HTR3A: variants seen among roughly 807,000 people sequenced by gnomAD.
HTR3A encodes 5-hydroxytryptamine (serotonin) receptor 3A, ionotropic.
In HTR3A, 45 loss-of-function variants were observed where a neutral mutation model predicts 54.8. The observed-to-expected ratio is 0.82, with a 90% CI of 0.65 to 1.05. The LOEUF (loss-of-function observed/expected upper bound fraction) is 1.05. Ranked by LOEUF, HTR3A falls within the 50% of genes least tolerant of loss-of-function variation. The probability of loss-of-function intolerance (pLI) is 0.00; values close to 1 mark genes in which losing one functional copy is unlikely to be tolerated. For missense variants in HTR3A, 657 were observed against 614.0 expected (o/e 1.07, Z -0.74); for synonymous variants, 297 against 256.0 (o/e 1.16, Z -1.53).
At chr11:113,976,582 TG>T in intron 1 of HTR3A, among the ~76,000 whole-genome samples, 1 of 84,072 alleles carries the variant, frequency 1.2e-5, no homozygotes, top group South Asian at 4.5e-4. Flanking sequence ...TGTGTGTGTG[TG>T]TGTGTGTGTG....
At chr11:113,984,594 CT>C (rs1219511350) in intron 5 of HTR3A, among the ~76,000 whole-genome samples, 1 of 152,176 alleles carries the variant, frequency 6.6e-6, no homozygotes, top group Non-Finnish European at 1.5e-5. Flanking sequence ...TGCCAGAGGG[CT>C]GGTGAAATGC....
chr11:113,987,339 G>A (rs139998963), intron 8 of HTR3A, among the ~76,000 whole-genome samples: 30 of 152,322 alleles, frequency 2.0e-4, no homozygotes, highest in African/African-American at 7.0e-4. Context: ...CTCTAGGATG[G>A]ACCCATGGGT....
At chr11:113,983,326 T>C (rs1950447011) in intron 5 of HTR3A, 37 bp downstream of exon 5, 1 of 1,611,438 alleles carries the variant, frequency 6.2e-7, no homozygotes, top group Non-Finnish European at 8.5e-7. Flanking sequence ...GGGGTGGAGG[T>C]TGGGGGACCC....
chr11:113,977,963 G>T, intron 2 of HTR3A, 41 bp downstream of exon 2: 2 of 1,613,538 alleles, frequency 1.2e-6, no homozygotes, highest in African/African-American at 1.3e-5. Flanking sequence ...AGACCTTTTG[G>T]GGGTGGGAGA....
At chr11:113,982,996 A>T in intron 4 of HTR3A, 124 bp from the exon 5 acceptor site, 1 of 1,096,714 alleles carries the variant, frequency 9.1e-7, no homozygotes. Flanking sequence ...CAAAACATCC[A>T]GGTTATCCGG....
At chr11:113,987,118 G>T in intron 8 of HTR3A, 72 bp downstream of exon 8, 1 of 1,519,950 alleles carries the variant, frequency 6.6e-7, no homozygotes, top group South Asian at 1.1e-5. Context: ...AGTCTCTGGA[G>T]GGCGTGGCCT....
intron 1 of HTR3A, chr11:113,977,430 A>T (rs943359404): frequency 1.6e-4 from 144 of 901,044 alleles, no homozygotes; most frequent in Non-Finnish European, 2.1e-4. Context: ...GTTGCTCCCC[A>T]GAGGCCCTCG....
Position 113,977,957 on chromosome 11 carries a change from C to A in HTR3A, c.219+35C>A, listed in dbSNP as rs745387270. On this transcript the variant is annotated intron_variant, in intron 2 of 8. Coordinates refer to ENST00000504030, the MANE Select transcript of HTR3A (RefSeq NM_000869.6). ...AGCCCCGAGCTGCACACAGGCAGAC[C>A]TTTTGGGGGTGGGAGAAGGCCATGT... The A allele has an allele frequency of 2.5e-6, 4 of 1,613,814 alleles. No homozygotes were observed. The Admixed American group carries it at 6.7e-5, about 27-fold the overall frequency.
rs187599970 is a variant in HTR3A at position 113,977,666 on chromosome 11, G to A, written c.68-105G>A. ...TCTGTGTTTAGAATTTTGTGAGGTGGGGATGGTGGGGATACGTCTCTTTTA... is the reference window on the plus strand; with the variant it reads ...TCTGTGTTTAGAATTTTGTGAGGTGAGGATGGTGGGGATACGTCTCTTTTA... On this transcript the variant is annotated intron_variant, in intron 1 of 8. Transcript: ENST00000504030. 5.5e-4 allele frequency: 830 copies of A among 1,512,988 alleles called. 2 individuals are homozygous for A. The African/African-American group carries it at 0.011, about 20-fold the overall frequency. The allele number at this position is 1,512,988 out of a possible 1,614,324, so 93.7% of individuals were successfully genotyped here. A position where few individuals can be genotyped will look rare whatever the true frequency, so the allele number is the denominator to read the frequency against.
rs375179419 is a variant in HTR3A at position 113,989,422 on chromosome 11, C to T, written c.1139-43C>T. 6.2e-7 allele frequency: 1 copy of T among 1,610,676 alleles called. No individual in the cohort carries two copies. Among genetic ancestry groups the T allele is most frequent in the Non-Finnish European group, 8.5e-7 (1 of 1,177,920 alleles). The stretch of plus-strand genomic sequence containing the variant: ...ATAAGGAACCATGTTCAGGTCACCA[C>T]CCGGGGTCTCCCTCTCTTGCCAATG... On this transcript the variant is annotated intron_variant, in intron 8 of 8. Coordinates refer to ENST00000504030, the MANE Select transcript of HTR3A (RefSeq NM_000869.6). The surrounding 1 kb of genome is among the most constrained non-coding windows in gnomAD (Gnocchi z 4.4).
In HTR3A at chr11:113,983,087, G is replaced by C. The variant is rs1950441015; in HGVS notation, c.375-33G>C. On this transcript the variant is annotated intron_variant, in intron 4 of 8. Transcript: ENST00000504030. ...GCACCCAGAGCTTGCCCTGTCTCTTGAGCTCCCAAACTAACCCCTTTTCCC... is the reference window on the plus strand; with the variant it reads ...GCACCCAGAGCTTGCCCTGTCTCTTCAGCTCCCAAACTAACCCCTTTTCCC... The C allele has an allele frequency of 2.5e-6, 4 of 1,613,972 alleles. No homozygotes were observed. In the East Asian group the frequency reaches 8.9e-5, roughly 36 times the overall value.
chr11:113,990,132 A>G lies in HTR3A; in HGVS notation c.*369A>G. On this transcript the variant is annotated 3_prime_UTR_variant, in exon 9 of 9. Transcript: ENST00000504030. Reference sequence around the variant, plus strand: ...TTTGGAATTCTGCTTCTCTTTCACAACTTTGCTTTTAGGTTGAAGGCAAAA... The same window carrying G: ...TTTGGAATTCTGCTTCTCTTTCACAGCTTTGCTTTTAGGTTGAAGGCAAAA... 1 of 471,638 alleles carries G rather than the reference A, an allele frequency of 2.1e-6. No homozygotes were observed. Among genetic ancestry groups the G allele is most frequent in the Non-Finnish European group, 4.2e-6 (1 of 239,152 alleles). 29.2% of individuals were successfully genotyped at this position (471,638 alleles called of 1,614,324 possible). A position where few individuals can be genotyped will look rare whatever the true frequency, so the allele number is the denominator to read the frequency against.
chr11:113,985,765 C>T (rs1036971002), intron 5 of HTR3A, among the ~76,000 whole-genome samples: 1 of 151,936 alleles, frequency 6.6e-6, no homozygotes, highest in African/African-American at 2.4e-5. Flanking sequence ...GAATGGTTTG[C>T]ATGGTTCTTT....
chr11:113,975,378 TG>T lies in HTR3A; in HGVS notation c.55del (p.Ala19HisfsTer17). 1 of 1,612,634 alleles carries T rather than the reference TG, an allele frequency of 6.2e-7. No homozygotes were observed. Among genetic ancestry groups the T allele is most frequent in the South Asian group, 1.1e-5 (1 of 91,068 alleles). ...CTCGCCTTGCTCCTCCCCACACTCCTGGCACAGGGAGAAGGTAAGCAGACTT... is the reference window on the plus strand; with the variant it reads ...CTCGCCTTGCTCCTCCCCACACTCCTGCACAGGGAGAAGGTAAGCAGACTT... ...ALLALLLPTLLAQGEARRSRN... is the reference protein window; with the variant it reads ...ALLALLLPTLXAQGEARRSRN... On this transcript the variant is annotated frameshift_variant, in exon 1 of 9. Coordinates refer to ENST00000504030, the MANE Select transcript of HTR3A (RefSeq NM_000869.6). LOFTEE classifies it high-confidence loss of function.
rs1591600207 is a variant in HTR3A at position 113,977,842 on chromosome 11, A to G, written c.139A>G (p.Lys47Glu). Residue 47 changes from lysine to glutamate, a missense_variant, in exon 2 of 9, where the codon AAG becomes GAG. Coordinates refer to ENST00000504030, the MANE Select transcript of HTR3A (RefSeq NM_000869.6). ...GGATTACCTTTTGACCAACTACAGGAAGGGTGTGCGCCCCGTGAGGGACTG... is the reference window on the plus strand; with the variant it reads ...GGATTACCTTTTGACCAACTACAGGGAGGGTGTGCGCCCCGTGAGGGACTG... Reference protein sequence around the residue: ...LSDYLLTNYRKGVRPVRDWRK... With the variant: ...LSDYLLTNYREGVRPVRDWRK... 7 of 1,614,022 alleles carry G rather than the reference A, an allele frequency of 4.3e-6. No homozygotes were observed. Among genetic ancestry groups the G allele is most frequent in the Non-Finnish European group, 5.9e-6 (7 of 1,180,024 alleles).
At chr11:113,986,266 T>C in intron 6 of HTR3A, 91 bp downstream of exon 6, 2 of 1,513,162 alleles carry the variant, frequency 1.3e-6, no homozygotes, top group Non-Finnish European at 1.8e-6. Context: ...TCTATAGCCT[T>C]TTTCCAACCC....
rs185008189 is a variant in HTR3A, at chr11:113,975,907, G to C, written c.67+515G>C. ...TTCACTGGTTTTGTTGCATGAGTTC[G>C]TTCTCTGGGCCTGCGGTTCCCCAAG... is the stretch of plus-strand genomic sequence containing the variant. On this transcript the variant is annotated intron_variant, in intron 1 of 8. Coordinates refer to ENST00000504030, the MANE Select transcript of HTR3A (RefSeq NM_000869.6). 6.6e-5 allele frequency among the ~76,000 whole-genome samples: 10 copies of C among 152,130 alleles called. No homozygotes were observed. In the East Asian group the frequency reaches 1.9e-3, roughly 29 times the overall value.
In HTR3A at chr11:113,981,247, C is replaced by T. The variant is rs891070500; in HGVS notation, c.309C>T (p.Asp103=). 3.1e-6 allele frequency: 5 copies of T among 1,614,008 alleles called. No homozygotes were observed. The highest frequency in any genetic ancestry group is 2.2e-5 in the East Asian group (1 of 44,880). ...EFLQWNPEDF[D]NITKLSIPTD... is the part of the protein sequence containing the mutation. ...TCCAGTGGAACCCTGAGGACTTTGA[C>T]AACATCACCAAGTTGTCCATCCCCA... Residue 103 remains aspartate (D), a synonymous_variant, in exon 4 of 9, where the codon GAC becomes GAT. Transcript: ENST00000504030.
intron 8 of HTR3A, among the ~76,000 whole-genome samples, chr11:113,987,436 T>A (rs548210341): frequency 1.3e-5 from 2 of 152,262 alleles, no homozygotes; most frequent in Non-Finnish European, 2.9e-5. Flanking sequence ...AAAACTCTTA[T>A]ACTAAACAGC....
Sources: gnomAD v4.1 joint callset for allele counts (sites outside exome capture counted in the v4.1 genomes callset) on GRCh38, gnomAD v4.1.1 for gene constraint, Gnocchi (gnomAD v3.1) non-coding constraint, MANE v1.5 for transcripts, NCBI Gene and HGNC (gene_info 2026-07-23, HGNC 2026-07-21) for gene names.